DPP6: variants seen among roughly 807,000 people sequenced by gnomAD.
DPP6 encodes A-type potassium channel modulatory protein DPP6.
DPP6 carries 69 observed loss-of-function variants against 122.6 expected under a neutral mutation model. The observed-to-expected ratio is 0.56, with a 90% CI of 0.46 to 0.69. The LOEUF (loss-of-function observed/expected upper bound fraction) is 0.69, where lower values mean the gene tolerates loss of function less well. Ranked by LOEUF, DPP6 falls within the 30% of genes least tolerant of loss-of-function variation. The pLI is 0.00. For missense variants in DPP6, 928 were observed against 1,116.9 expected (o/e 0.83, Z 2.41); for synonymous variants, 418 against 433.1 (o/e 0.97, Z 0.43).
chr7:153,815,517 C>T, the DPP6 span, among the ~76,000 whole-genome samples: 3 of 151,908 alleles, frequency 2.0e-5, no homozygotes, highest in African/African-American at 7.3e-5. Context: ...ATCCCTCCCC[C>T]GTCCCCCCAC....
At chr7:153,806,713 C>T in the DPP6 span, among the ~76,000 whole-genome samples, 5 of 151,984 alleles carry the variant, frequency 3.3e-5, no homozygotes, top group Non-Finnish European at 5.9e-5. Context: ...ATATTTTCTC[C>T]TTTCTGTCAT....
intron 1 of DPP6, among the ~76,000 whole-genome samples, chr7:154,402,857 C>G (rs286834): frequency 0.92 from 140,319 of 152,196 alleles, 64,922 homozygotes; most frequent in East Asian, 1. Context: ...ATTGGGAAAG[C>G]AATAAGGCTG....
At chr7:154,508,589 T>C (rs1005939749) in intron 3 of DPP6, among the ~76,000 whole-genome samples, 1 of 152,178 alleles carries the variant, frequency 6.6e-6, no homozygotes, top group Non-Finnish European at 1.5e-5. Flanking sequence ...AGGGGAAATG[T>C]AGCCTAGTTG....
At chr7:154,716,151 C>T (rs1327504607) in intron 7 of DPP6, among the ~76,000 whole-genome samples, 1 of 152,196 alleles carries the variant, frequency 6.6e-6, no homozygotes, top group Non-Finnish European at 1.5e-5. Flanking sequence ...TCCCATCTCC[C>T]CTCAGCCGTC....
In DPP6 at chr7:154,421,064, G is replaced by A. The variant is rs114130175; in HGVS notation, c.244-25150G>A. ...TCTGGAACTAAGCATACCAGGATTC[G>A]AAGTCTGAGTCTCCCAATTACTAAG... On this transcript the variant is annotated intron_variant, in intron 1 of 25. Transcript: ENST00000377770. Among the ~76,000 whole-genome samples, 504 of 152,282 alleles carry A rather than the reference G, an allele frequency of 3.3e-3. 4 individuals carry two copies. Among genetic ancestry groups the A allele is most frequent in the African/African-American group, 0.012 (482 of 41,548 alleles).
At chr7:153,949,596 A>C (rs1393042100) in intron 1 of DPP6, among the ~76,000 whole-genome samples, 1 of 152,196 alleles carries the variant, frequency 6.6e-6, no homozygotes, top group African/African-American at 2.4e-5. Context: ...TCTCTTCAAA[A>C]AAACTGAGCA....
intron 4 of DPP6, among the ~76,000 whole-genome samples, chr7:154,547,600 G>T (rs1260981948): frequency 1.3e-5 from 2 of 152,196 alleles, no homozygotes; most frequent in East Asian, 3.9e-4. Flanking sequence ...GGTGGCATAA[G>T]AACTCAATGT....
At chr7:154,879,762 C>T (rs114111860) in intron 20 of DPP6, among the ~76,000 whole-genome samples, 1,602 of 152,236 alleles carry the variant, frequency 0.011, 30 homozygotes, top group African/African-American at 0.036. Flanking sequence ...AAAAGAAAAC[C>T]GTAAATAAAT....
intron 1 of DPP6, among the ~76,000 whole-genome samples, chr7:154,082,788 G>C (rs564782768): frequency 1.0e-3 from 157 of 150,770 alleles, no homozygotes; most frequent in African/African-American, 3.7e-3. Context: ...ACCTTGAGGA[G>C]TATTAAAGGA....
At position 154,468,518 on chromosome 7, in the gene DPP6, A is replaced by T. The variant is rs576660337; in HGVS notation, c.359-6421A>T. On this transcript the variant is annotated intron_variant, in intron 2 of 25. Coordinates refer to ENST00000377770, the MANE Select transcript of DPP6 (RefSeq NM_130797.4). ...AGGAATAAACTAGGTAGGGAAACAT[A>T]TCAACCTATCCGCATATAATCATGT... 3.3e-5 allele frequency among the ~76,000 whole-genome samples: 5 copies of T among 152,378 alleles called. No homozygotes were observed. In the South Asian group the frequency reaches 1.0e-3, roughly 32 times the overall value.
At chr7:154,528,653 T>C (rs7803956) in intron 3 of DPP6, among the ~76,000 whole-genome samples, 13,178 of 152,306 alleles carry the variant, frequency 0.087, 588 homozygotes, top group African/African-American at 0.11. Flanking sequence ...GCGAATCATG[T>C]ACTCTAGTGC....
chr7:153,855,277 A>T, the DPP6 span, among the ~76,000 whole-genome samples: 2 of 145,872 alleles, frequency 1.4e-5, no homozygotes, highest in Non-Finnish European at 3.1e-5. Flanking sequence ...CTATAAAAAA[A>T]ATATTCTTTT....
chr7:154,676,871 A>T (rs2002320), intron 7 of DPP6, among the ~76,000 whole-genome samples: 21,475 of 152,254 alleles, frequency 0.14, 1,651 homozygotes, highest in African/African-American at 0.21. Flanking sequence ...AACATGGCTT[A>T]CATCTCTGTG....
intron 1 of DPP6, among the ~76,000 whole-genome samples, chr7:154,146,814 C>T (rs79653039): frequency 2.6e-5 from 4 of 151,636 alleles, no homozygotes; most frequent in African/African-American, 9.7e-5. Context: ...GCAAGCCGCG[C>T]GGCTGCCAGG....
chr7:153,799,881 T>C, the DPP6 span, among the ~76,000 whole-genome samples: 18 of 152,318 alleles, frequency 1.2e-4, 1 homozygote, highest in South Asian at 2.1e-3. Context: ...AGGCATATTA[T>C]AAGAACCCTA....
chr7:154,527,330 C>G (rs1827484917), intron 3 of DPP6, among the ~76,000 whole-genome samples: 1 of 152,162 alleles, frequency 6.6e-6, no homozygotes, highest in African/African-American at 2.4e-5. Flanking sequence ...CAGATATTGC[C>G]TATCACAGAC....
At chr7:153,842,860 T>C in the DPP6 span, among the ~76,000 whole-genome samples, 12 of 152,212 alleles carry the variant, frequency 7.9e-5, no homozygotes, top group Admixed American at 2.0e-4. Flanking sequence ...TCTGATAATA[T>C]TCAAATCTCC....
intron 16 of DPP6, among the ~76,000 whole-genome samples, chr7:154,843,907 C>G (rs537780161): frequency 6.6e-6 from 1 of 152,336 alleles, no homozygotes; most frequent in East Asian, 1.9e-4. Flanking sequence ...GTCTGTCTTC[C>G]GTACTGGACT....
At chr7:154,270,208 G>A (rs2150932071) in intron 1 of DPP6, among the ~76,000 whole-genome samples, 1 of 152,224 alleles carries the variant, frequency 6.6e-6, no homozygotes, top group South Asian at 2.1e-4. Context: ...TTTAATCGTG[G>A]TTATTGAGTT....
Sources: allele counts gnomAD v4.1 joint callset (sites outside exome capture counted in the v4.1 genomes callset), GRCh38; gene constraint gnomAD v4.1.1; transcripts MANE v1.5; gene names NCBI Gene and HGNC (gene_info 2026-07-23, HGNC 2026-07-21).